Variants in CCDC148 observed in about 807,000 individuals in gnomAD.
CCDC148 encodes coiled-coil domain containing 148, also known as coiled-coil domain-containing protein 148.
In CCDC148, 89 loss-of-function variants were observed where a neutral mutation model predicts 85.7. That is an observed-to-expected ratio of 1.04 (90% confidence interval 0.87 to 1.24). The LOEUF (loss-of-function observed/expected upper bound fraction) is 1.24. Among genes scored for constraint, CCDC148 ranks in the 50% most tolerant of loss-of-function variants. The probability of loss-of-function intolerance (pLI) is 0.00; values close to 1 mark genes in which losing one functional copy is unlikely to be tolerated. For missense variants in CCDC148, 692 were observed against 671.7 expected, an observed-to-expected ratio of 1.03 and a Z score of -0.33; for synonymous variants, 230 against 213.9, an observed-to-expected ratio of 1.08 and a Z score of -0.66.
chr2:158,358,870 A>T (rs2105267116), intron 1 of CCDC148, among the ~76,000 whole-genome samples: 1 of 152,204 alleles, frequency 6.6e-6, no homozygotes, highest in East Asian at 1.9e-4. Flanking sequence ...CCAAGCTACA[A>T]AGTATGACGA....
chr2:158,446,623 T>C (rs1688167886), intron 1 of CCDC148, among the ~76,000 whole-genome samples: 1 of 152,192 alleles, frequency 6.6e-6, no homozygotes, highest in South Asian at 2.1e-4. Context: ...TTATAATAGC[T>C]TTATTGGGGT....
At chr2:158,253,331 C>T (rs755041043) in intron 9 of CCDC148, among the ~76,000 whole-genome samples, 2 of 151,564 alleles carry the variant, frequency 1.3e-5, no homozygotes, top group African/African-American at 2.4e-5. Context: ...CTCTAAGTAG[C>T]GTTCCTCCTC....
intron 2 of CCDC148, among the ~76,000 whole-genome samples, chr2:158,353,346 C>G (rs149409351): frequency 0.16 from 23,622 of 145,004 alleles, 2,570 homozygotes; most frequent in Middle Eastern, 0.25. Context: ...CACGTGCAGA[C>G]ACACACATAG....
intron 10 of CCDC148, among the ~76,000 whole-genome samples, chr2:158,221,682 T>C (rs1298299082): frequency 3.3e-5 from 5 of 152,236 alleles, no homozygotes. Flanking sequence ...ACATGGTCTC[T>C]GATTTCTGGG....
At chr2:158,430,535 A>C (rs2105331950) in intron 1 of CCDC148, among the ~76,000 whole-genome samples, 1 of 152,300 alleles carries the variant, frequency 6.6e-6, no homozygotes, top group East Asian at 1.9e-4. Flanking sequence ...CAGAAGAAAT[A>C]AGACCTGGTA....
At chr2:158,360,736 C>T (rs186626706) in intron 1 of CCDC148, among the ~76,000 whole-genome samples, 14 of 152,122 alleles carry the variant, frequency 9.2e-5, no homozygotes, top group African/African-American at 3.1e-4. Context: ...TGCAAAAAGG[C>T]GGAAAATTCC....
intron 9 of CCDC148, among the ~76,000 whole-genome samples, chr2:158,278,858 G>A (rs1178492310): frequency 6.6e-6 from 1 of 152,202 alleles, no homozygotes; most frequent in Admixed American, 6.5e-5. Flanking sequence ...CCCCTGAGCA[G>A]CCTAACTGGG....
chr2:158,329,155 A>C (rs369836950), intron 7 of CCDC148, among the ~76,000 whole-genome samples: 1 of 152,168 alleles, frequency 6.6e-6, no homozygotes, highest in Non-Finnish European at 1.5e-5. Context: ...TAGGTCAAAC[A>C]TTTAAGTCTT....
chr2:158,278,252 T>C (rs2685648), intron 9 of CCDC148, among the ~76,000 whole-genome samples: 48,035 of 151,848 alleles, frequency 0.32, 8,296 homozygotes, highest in Middle Eastern at 0.45. Flanking sequence ...TTCATCTCAC[T>C]AGGGAGTGCC....
At chr2:158,318,992 C>T (rs1345980015) in intron 7 of CCDC148, among the ~76,000 whole-genome samples, 3 of 152,122 alleles carry the variant, frequency 2.0e-5, no homozygotes, top group Non-Finnish European at 4.4e-5. Context: ...TGGTCTTCTT[C>T]TGAGCTCAAG....
intron 11 of CCDC148, among the ~76,000 whole-genome samples, chr2:158,210,975 A>G (rs1051943049): frequency 7.4e-4 from 111 of 150,352 alleles, no homozygotes; most frequent in African/African-American, 2.5e-3. Flanking sequence ...AAAAAAAAAA[A>G]AAGAAACAAT....
chr2:158,247,921 C>T (rs1463379924), intron 10 of CCDC148, among the ~76,000 whole-genome samples: 1 of 152,054 alleles, frequency 6.6e-6, no homozygotes, highest in Non-Finnish European at 1.5e-5. Flanking sequence ...TTTTATTTTA[C>T]TTTAAGTTCT....
intron 10 of CCDC148, among the ~76,000 whole-genome samples, chr2:158,249,452 T>C (rs916390639): frequency 6.6e-5 from 10 of 152,166 alleles, no homozygotes; most frequent in African/African-American, 2.4e-4. Flanking sequence ...TTATTCCCTT[T>C]AATCATCAAC....
chr2:158,425,745 T>C (rs1280905751), intron 1 of CCDC148, among the ~76,000 whole-genome samples: 2 of 152,298 alleles, frequency 1.3e-5, no homozygotes, highest in East Asian at 1.9e-4. Context: ...TCCCAATATG[T>C]AGATATATTC....
intron 7 of CCDC148, among the ~76,000 whole-genome samples, chr2:158,330,273 T>G (rs1372674785): frequency 3.3e-4 from 51 of 152,288 alleles, no homozygotes; most frequent in Non-Finnish European, 1.0e-4. Flanking sequence ...AATCATATGG[T>G]TTTTGTCTTT....
intron 10 of CCDC148, among the ~76,000 whole-genome samples, chr2:158,228,032 G>A (rs1311697210): frequency 6.6e-6 from 1 of 152,130 alleles, no homozygotes; most frequent in African/African-American, 2.4e-5. Context: ...CCTACAGAAT[G>A]GGAGAAAAAT....
chr2:158,440,493 T>C (rs1211659581), intron 1 of CCDC148, among the ~76,000 whole-genome samples: 1 of 152,144 alleles, frequency 6.6e-6, no homozygotes, highest in Non-Finnish European at 1.5e-5. Context: ...TCTCAGGAGA[T>C]GCATTCAAGA....
intron 1 of CCDC148, among the ~76,000 whole-genome samples, chr2:158,435,817 G>A (rs952291375): frequency 6.6e-6 from 1 of 151,974 alleles, no homozygotes; most frequent in Non-Finnish European, 1.5e-5. Flanking sequence ...AAAAAGCAGG[G>A]GTTGCAATCC....
chr2:158,280,570 G>A (rs897571689), intron 9 of CCDC148, among the ~76,000 whole-genome samples: 1 of 152,204 alleles, frequency 6.6e-6, no homozygotes, highest in African/African-American at 2.4e-5. Flanking sequence ...TCAACAAGAA[G>A]AGCTAACTAT....
Sources: allele counts gnomAD v4.1 joint callset (sites outside exome capture counted in the v4.1 genomes callset), GRCh38; gene constraint gnomAD v4.1.1; transcripts MANE v1.5; gene names NCBI Gene and HGNC (gene_info 2026-07-23, HGNC 2026-07-21).